KDM4C: variants seen among roughly 807,000 people sequenced by gnomAD.
KDM4C encodes lysine-specific demethylase 4C.
A neutral mutation model predicts 129.3 loss-of-function variants in KDM4C; 81 were observed. The ratio of observed to expected loss-of-function variants is 0.63; its 90% CI spans 0.52 to 0.75. The LOEUF is 0.75. KDM4C is among the 30% of genes least tolerant of loss of function. The pLI is 0.00. For missense variants in KDM4C, 1,457 were observed against 1,304.0 expected (o/e 1.12, Z -1.81); for synonymous variants, 573 against 456.1 (o/e 1.26, Z -3.26).
intron 4 of KDM4C, among the ~76,000 whole-genome samples, chr9:6,844,740 TGCAG>T (rs1205023450): frequency 1.2e-4 from 18 of 152,308 alleles, no homozygotes; most frequent in Non-Finnish European, 2.2e-4. Context: ...CAGGCTGAAG[TGCAG>T]TGGCATGATC....
chr9:6,736,990 G>A (rs965439509), intron 1 of KDM4C, among the ~76,000 whole-genome samples: 8 of 147,192 alleles, frequency 5.4e-5, no homozygotes, highest in African/African-American at 2.0e-4. Flanking sequence ...GGGGGAGGTT[G>A]CAGTGAGCCA....
chr9:6,779,829 A>G (rs926487312), intron 1 of KDM4C, among the ~76,000 whole-genome samples: 1 of 152,226 alleles, frequency 6.6e-6, no homozygotes, highest in Non-Finnish European at 1.5e-5. Context: ...CCAGATGTGC[A>G]TCACATGGAG....
At chr9:6,820,629 G>A (rs1832856193) in intron 4 of KDM4C, among the ~76,000 whole-genome samples, 2 of 151,818 alleles carry the variant, frequency 1.3e-5, no homozygotes, top group Non-Finnish European at 2.9e-5. Context: ...GTTTTTAAAG[G>A]ACTAGATCAG....
At chr9:6,952,221 A>G (rs1258588866) in intron 8 of KDM4C, among the ~76,000 whole-genome samples, 5 of 152,084 alleles carry the variant, frequency 3.3e-5, no homozygotes, top group Non-Finnish European at 7.4e-5. Flanking sequence ...ATATGTAAAG[A>G]TGTTTAACAT....
At chr9:7,080,724 T>G (rs926516280) in intron 17 of KDM4C, among the ~76,000 whole-genome samples, 8 of 152,208 alleles carry the variant, frequency 5.3e-5, no homozygotes, top group African/African-American at 1.7e-4. Flanking sequence ...ATAATTATAT[T>G]CTGGAATTCT....
At chr9:7,118,907 G>A (rs903282720) in intron 18 of KDM4C, among the ~76,000 whole-genome samples, 1 of 152,132 alleles carries the variant, frequency 6.6e-6, no homozygotes, top group African/African-American at 2.4e-5. Context: ...GCCTTGCCAG[G>A]TCTGATAAGA....
At chr9:7,149,009 G>T (rs1172394723) in intron 19 of KDM4C, among the ~76,000 whole-genome samples, 1 of 152,188 alleles carries the variant, frequency 6.6e-6, no homozygotes, top group Non-Finnish European at 1.5e-5. Flanking sequence ...TTTCACCAGG[G>T]ATCCCTCCCA....
intron 19 of KDM4C, among the ~76,000 whole-genome samples, chr9:7,139,134 G>A (rs1047048305): frequency 1.3e-5 from 2 of 152,130 alleles, no homozygotes; most frequent in Admixed American, 1.3e-4. Context: ...AATTAGCCAG[G>A]CATGGTGGTA....
chr9:7,135,237 T>C (rs1165062583), intron 19 of KDM4C, among the ~76,000 whole-genome samples: 2 of 133,634 alleles, frequency 1.5e-5, no homozygotes, highest in African/African-American at 2.6e-5. Flanking sequence ...AAAGACAGAC[T>C]GACAGTTACG....
chr9:7,130,332 A>G (rs1264057175), intron 19 of KDM4C, among the ~76,000 whole-genome samples: 1 of 152,200 alleles, frequency 6.6e-6, no homozygotes, highest in Admixed American at 6.5e-5. Context: ...GCCTATACAC[A>G]CCATGCCAGT....
chr9:6,982,509 T>C (rs1022450244), intron 9 of KDM4C: 1 of 152,220 alleles, frequency 6.6e-6, no homozygotes, highest in Non-Finnish European at 1.5e-5. Flanking sequence ...AGTATGTGTG[T>C]ATGTGTGTAT....
chr9:6,867,227 G>C (rs1842180555), intron 5 of KDM4C, among the ~76,000 whole-genome samples: 1 of 152,036 alleles, frequency 6.6e-6, no homozygotes, highest in Admixed American at 6.6e-5. Context: ...TGTTGGCTAA[G>C]ATGGTCTTGA....
chr9:6,896,404 G>A (rs1390057876), intron 8 of KDM4C, among the ~76,000 whole-genome samples: 1 of 151,790 alleles, frequency 6.6e-6, no homozygotes, highest in African/African-American at 2.4e-5. Flanking sequence ...CATTAAATAA[G>A]CAAAATAGTG....
chr9:7,083,568 T>C (rs1834777685), intron 17 of KDM4C, among the ~76,000 whole-genome samples: 1 of 152,194 alleles, frequency 6.6e-6, no homozygotes. Flanking sequence ...CTGAGTATGG[T>C]AGGCAGTTAT....
intron 8 of KDM4C, among the ~76,000 whole-genome samples, chr9:6,940,116 G>A (rs1825683821): frequency 6.7e-6 from 1 of 149,568 alleles, no homozygotes; most frequent in Non-Finnish European, 1.5e-5. Flanking sequence ...TCTTTCAACA[G>A]GGTCCCACTC....
chr9:6,890,362 A>G (rs1477613296), intron 7 of KDM4C, among the ~76,000 whole-genome samples: 1 of 152,236 alleles, frequency 6.6e-6, no homozygotes, highest in Non-Finnish European at 1.5e-5. Context: ...TATATGTTGC[A>G]TAGTAACGTA....
intron 17 of KDM4C, among the ~76,000 whole-genome samples, chr9:7,063,995 C>T (rs192344568): frequency 2.0e-5 from 3 of 152,320 alleles, no homozygotes; most frequent in Admixed American, 6.5e-5. Context: ...CTGCTGGCTG[C>T]TTACAGCTAC....
At position 6,735,616 on chromosome 9, in the gene KDM4C, T is replaced by C. The variant is rs116044058; in HGVS notation, c.49+14619T>C. Among the ~76,000 whole-genome samples, 1,451 of 152,298 alleles carry C rather than the reference T, an allele frequency of 9.5e-3. 22 individuals carry two copies. Among genetic ancestry groups the C allele is most frequent in the African/African-American group, 0.033 (1,380 of 41,560 alleles). On this transcript the variant is annotated intron_variant, in intron 1 of 17. Transcript: ENST00000536108. ...TCTCTTTTTTGCATGCTGCCATCCA[T>C]GTGAGACGTGCCTTGCTCCTCCTTG...
intron 19 of KDM4C, among the ~76,000 whole-genome samples, chr9:7,147,677 A>G (rs1842338660): frequency 1.3e-5 from 2 of 152,198 alleles, no homozygotes; most frequent in African/African-American, 4.8e-5. Context: ...TGGGGCAGTC[A>G]TCAGGGCCGA....
Sources: gnomAD v4.1 joint callset for allele counts (sites outside exome capture counted in the v4.1 genomes callset) on GRCh38, gnomAD v4.1.1 for gene constraint, MANE v1.5 for transcripts, NCBI Gene and HGNC (gene_info 2026-07-23, HGNC 2026-07-21) for gene names.